Variants in CHRM3 observed in about 807,000 individuals in gnomAD.
CHRM3 encodes muscarinic acetylcholine receptor M3.
A neutral mutation model predicts 41.8 loss-of-function variants in CHRM3; 11 were observed. That is an observed-to-expected ratio of 0.26 (90% confidence interval 0.17 to 0.44). The LOEUF (loss-of-function observed/expected upper bound fraction) is 0.44. CHRM3 is among the 20% of genes least tolerant of loss of function. CHRM3 has a pLI of 1.00. For missense variants in CHRM3, 571 were observed against 745.4 expected (o/e 0.77, Z 2.72); for synonymous variants, 297 against 301.4 (o/e 0.99, Z 0.15).
At chr1:239,742,847 C>A (rs1236103798) in intron 5 of CHRM3, among the ~76,000 whole-genome samples, 1 of 152,188 alleles carries the variant, frequency 6.6e-6, no homozygotes. Context: ...ACCATGACCT[C>A]GTGATAGCTG....
At chr1:239,780,311 A>C (rs1428428263) in intron 5 of CHRM3, among the ~76,000 whole-genome samples, 2 of 152,032 alleles carry the variant, frequency 1.3e-5, no homozygotes, top group Non-Finnish European at 2.9e-5. Flanking sequence ...AGTGTTCTGG[A>C]TTTTTGCTAT....
chr1:239,606,021 C>T (rs575912776), intron 3 of CHRM3: 1 of 152,128 alleles, frequency 6.6e-6, no homozygotes, highest in Non-Finnish European at 1.5e-5. Context: ...GTGTACTTGA[C>T]CAGAGGATTC....
intron 5 of CHRM3, among the ~76,000 whole-genome samples, chr1:239,682,232 A>G (rs532889794): frequency 1.4e-4 from 21 of 152,238 alleles, no homozygotes; most frequent in African/African-American, 4.8e-4. Flanking sequence ...CTCGTGTACA[A>G]TTCTTCTCCT....
At chr1:239,552,627 A>ATAT (rs78726802) in intron 3 of CHRM3, among the ~76,000 whole-genome samples, 20,118 of 139,580 alleles carry the variant, frequency 0.14, 1,514 homozygotes, top group South Asian at 0.15. Flanking sequence ...CACCTGACTA[A>ATAT]TATTATTATT....
chr1:239,470,831 G>A (rs888880145), intron 1 of CHRM3, among the ~76,000 whole-genome samples: 10 of 151,956 alleles, frequency 6.6e-5, no homozygotes, highest in African/African-American at 2.2e-4. Context: ...CCCTCAAATT[G>A]CACCTTCCCA....
chr1:239,391,845 G>A (rs1659062840), intron 1 of CHRM3, among the ~76,000 whole-genome samples: 2 of 152,176 alleles, frequency 1.3e-5, no homozygotes, highest in Non-Finnish European at 2.9e-5. Flanking sequence ...GATGCCTTGT[G>A]GGCTTTGAGA....
chr1:239,695,155 C>T (rs981796308), intron 5 of CHRM3, among the ~76,000 whole-genome samples: 14 of 152,120 alleles, frequency 9.2e-5, no homozygotes, highest in Middle Eastern at 6.8e-3. Flanking sequence ...GGACTACAGG[C>T]GCATGCCACC....
At chr1:239,586,038 C>A (rs1663363002) in intron 3 of CHRM3, among the ~76,000 whole-genome samples, 1 of 152,090 alleles carries the variant, frequency 6.6e-6, no homozygotes, top group African/African-American at 2.4e-5. Context: ...TATTGGAAAT[C>A]CATCCACTTT....
chr1:239,609,254 C>T, intron 3 of CHRM3, among the ~76,000 whole-genome samples: 1 of 152,156 alleles, frequency 6.6e-6, no homozygotes, highest in East Asian at 1.9e-4. Context: ...AAAAACTGTA[C>T]TCTTTTTTGA....
chr1:239,751,187 G>A (rs1665791732), intron 5 of CHRM3, among the ~76,000 whole-genome samples: 2 of 147,108 alleles, frequency 1.4e-5, no homozygotes, highest in East Asian at 2.0e-4. Context: ...GCAGTGAGCC[G>A]ACATCGCGCC....
chr1:239,588,410 C>A lies in CHRM3; in HGVS notation c.-313+42661C>A, dbSNP rs568102862. Among the ~76,000 whole-genome samples, 198 of 152,212 alleles carry A rather than the reference C, an allele frequency of 1.3e-3. 1 individual carries two copies. The highest frequency in any genetic ancestry group is 4.5e-3 in the African/African-American group (186 of 41,534). On this transcript the variant is annotated intron_variant, in intron 3 of 6. Transcript: ENST00000676153. ...CACAGTGTATGGCATGCAGGAGACC[C>A]TCAACAAAGAACTGTGGACTCACTG...
intron 6 of CHRM3, among the ~76,000 whole-genome samples, chr1:239,830,875 T>C (rs183366868): frequency 1.1e-4 from 16 of 152,198 alleles, no homozygotes; most frequent in Non-Finnish European, 2.1e-4. Context: ...CAACCATATT[T>C]TTGATTGGTG....
intron 6 of CHRM3, among the ~76,000 whole-genome samples, chr1:239,890,534 A>G (rs1246521466): frequency 6.6e-6 from 1 of 152,144 alleles, no homozygotes; most frequent in African/African-American, 2.4e-5. Context: ...GAATTATTAT[A>G]AGGATTTAAT....
At chr1:239,455,604 T>A (rs1015507065) in intron 1 of CHRM3, among the ~76,000 whole-genome samples, 3 of 152,114 alleles carry the variant, frequency 2.0e-5, no homozygotes, top group Admixed American at 2.0e-4. Context: ...GTTAAAAAAA[T>A]GTTTACAGAT....
intron 3 of CHRM3, among the ~76,000 whole-genome samples, chr1:239,578,116 G>A (rs1662544433): frequency 2.0e-5 from 3 of 152,082 alleles, no homozygotes. Context: ...TAAGGTGTAG[G>A]TTTATGAGAG....
In CHRM3 at chr1:239,743,555, A is replaced by G. The variant is rs376237103; in HGVS notation, c.-147+65267A>G. ...GCACTTTACACATACATCCCACCCA[A>G]CCTTCCAGATGAGTATTTCAGTTCT... On this transcript the variant is annotated intron_variant, in intron 5 of 6. Coordinates refer to ENST00000676153, the MANE Select transcript of CHRM3 (RefSeq NM_001375978.1). Among the ~76,000 whole-genome samples, 9 of 151,998 alleles carry G rather than the reference A, an allele frequency of 5.9e-5. No homozygotes were observed. In the East Asian group the frequency reaches 1.4e-3, roughly 23 times the overall value.
intron 3 of CHRM3, among the ~76,000 whole-genome samples, chr1:239,618,053 T>C (rs567356997): frequency 6.6e-6 from 1 of 151,948 alleles, no homozygotes; most frequent in African/African-American, 2.4e-5. Flanking sequence ...TTTTATCAAC[T>C]GTGTTTCTAA....
intron 3 of CHRM3, among the ~76,000 whole-genome samples, chr1:239,577,683 T>C (rs1662504104): frequency 1.3e-5 from 2 of 152,246 alleles, no homozygotes; most frequent in Admixed American, 1.3e-4. Flanking sequence ...TGTTCCATTA[T>C]AGAATCCTGC....
At chr1:239,531,082 A>G (rs1175237134) in intron 2 of CHRM3, among the ~76,000 whole-genome samples, 1 of 152,144 alleles carries the variant, frequency 6.6e-6, no homozygotes. Context: ...GAAAAATTAA[A>G]ATGTTTATTA....
Sources: allele counts gnomAD v4.1 joint callset (sites outside exome capture counted in the v4.1 genomes callset), GRCh38; gene constraint gnomAD v4.1.1; transcripts MANE v1.5; gene names NCBI Gene and HGNC (gene_info 2026-07-23, HGNC 2026-07-21).